Variants in NAV3 observed in about 807,000 individuals in gnomAD.
NAV3 encodes the protein pore membrane and/or filament interacting like protein 1.
NAV3 carries 87 observed loss-of-function variants against 244.7 expected under a neutral mutation model. That is an observed-to-expected ratio of 0.36 (90% CI 0.30 to 0.42). NAV3 has a LOEUF of 0.42. NAV3 is among the 20% of genes least tolerant of loss of function. The probability of loss-of-function intolerance (pLI) is 1.00; values close to 1 mark genes in which losing one functional copy is unlikely to be tolerated. For missense variants in NAV3, 2,663 were observed against 2,893.3 expected, an observed-to-expected ratio of 0.92 and a Z score of 1.83; for synonymous variants, 1,126 against 1,042.2, an observed-to-expected ratio of 1.08 and a Z score of -1.55.
At chr12:77,967,030 T>TA (rs1892583526) in intron 4 of NAV3, among the ~76,000 whole-genome samples, 1 of 152,110 alleles carries the variant, frequency 6.6e-6, no homozygotes, top group African/African-American at 2.4e-5. Context: ...TTATGATATA[T>TA]AATTAAATTA....
chr12:77,845,058 T>G (rs980454906), intron 1 of NAV3, among the ~76,000 whole-genome samples: 2 of 152,200 alleles, frequency 1.3e-5, no homozygotes, highest in Admixed American at 6.5e-5. Context: ...AGGCTATTCT[T>G]TTTTTAGAAT....
intron 11 of NAV3, among the ~76,000 whole-genome samples, chr12:78,051,477 G>C (rs907347185): frequency 3.9e-5 from 6 of 152,180 alleles, no homozygotes; most frequent in Admixed American, 1.3e-4. Context: ...GAGGAGTTTT[G>C]CTGATTTGCT....
At chr12:77,941,878 G>A (rs1272982873) in intron 3 of NAV3, among the ~76,000 whole-genome samples, 1 of 152,106 alleles carries the variant, frequency 6.6e-6, no homozygotes, top group Non-Finnish European at 1.5e-5. Context: ...TCCACAAGAT[G>A]AAGCTTTCTC....
intron 2 of NAV3, among the ~76,000 whole-genome samples, chr12:77,575,419 A>G (rs1200055116): frequency 6.6e-6 from 1 of 152,036 alleles, no homozygotes; most frequent in Non-Finnish European, 1.5e-5. Flanking sequence ...TTCAGCTGGT[A>G]TTGGGCCATA....
At chr12:77,759,031 T>G (rs1037259666) in intron 2 of NAV3, among the ~76,000 whole-genome samples, 1 of 152,218 alleles carries the variant, frequency 6.6e-6, no homozygotes, top group South Asian at 2.1e-4. Context: ...CCATTCTGAG[T>G]GCTCAGTTGC....
intron 5 of NAV3, among the ~76,000 whole-genome samples, chr12:77,977,714 A>G (rs12228717): frequency 0.22 from 19,128 of 88,736 alleles, 1,602 homozygotes; most frequent in African/African-American, 0.32. Flanking sequence ...ACACACGCGC[A>G]CACACACACA....
chr12:78,105,513 C>T (rs951944692), intron 12 of NAV3, among the ~76,000 whole-genome samples: 5 of 152,024 alleles, frequency 3.3e-5, no homozygotes, highest in Admixed American at 2.6e-4. Flanking sequence ...AGCTCAGTTT[C>T]GTTATATGCT....
At chr12:78,129,454 A>G (rs994102371) in intron 18 of NAV3, among the ~76,000 whole-genome samples, 2 of 152,206 alleles carry the variant, frequency 1.3e-5, no homozygotes, top group Admixed American at 6.5e-5. Context: ...AACATTTTCA[A>G]ATAGATACAA....
intron 39 of NAV3, 129 bp downstream of exon 39, chr12:78,205,267 C>A: frequency 1.1e-6 from 1 of 935,430 alleles, no homozygotes; most frequent in Non-Finnish European, 1.5e-6. Context: ...ACCCTATTAT[C>A]TTTGGCCTGC....
At chr12:78,128,470 T>C (rs1050693885) in intron 17 of NAV3, among the ~76,000 whole-genome samples, 6 of 152,164 alleles carry the variant, frequency 3.9e-5, no homozygotes, top group African/African-American at 1.4e-4. Flanking sequence ...GATTTCCAAC[T>C]GCATATCTGA....
intron 2 of NAV3, among the ~76,000 whole-genome samples, chr12:77,666,189 T>G (rs993049851): frequency 6.6e-6 from 1 of 150,510 alleles, no homozygotes; most frequent in African/African-American, 2.4e-5. Context: ...GTTTTTTTTT[T>G]TTTTTTTTTG....
chr12:78,065,767 A>G (rs1288820836), intron 12 of NAV3, among the ~76,000 whole-genome samples: 1 of 152,108 alleles, frequency 6.6e-6, no homozygotes, highest in Non-Finnish European at 1.5e-5. Flanking sequence ...CAGGGAAGGT[A>G]AGGAGAAAGA....
At chr12:77,585,359 C>T (rs1393696770) in intron 2 of NAV3, among the ~76,000 whole-genome samples, 1 of 152,158 alleles carries the variant, frequency 6.6e-6, no homozygotes, top group Non-Finnish European at 1.5e-5. Context: ...CTCTCAAACA[C>T]AGCGTGTTTG....
At chr12:77,880,979 G>T (rs1444284211) in intron 1 of NAV3, among the ~76,000 whole-genome samples, 5 of 152,004 alleles carry the variant, frequency 3.3e-5, no homozygotes, top group Admixed American at 2.0e-4. Context: ...TTGAATTGAG[G>T]TCTTGCTATT....
intron 9 of NAV3, among the ~76,000 whole-genome samples, chr12:78,035,289 C>G (rs370048629): frequency 4.6e-5 from 7 of 152,072 alleles, no homozygotes; most frequent in East Asian, 1.9e-4. Context: ...TCCATTTTCC[C>G]TCATTTGATA....
upstream of NAV3, among the ~76,000 whole-genome samples, chr12:77,829,244 AT>A (rs1873341266): frequency 6.6e-6 from 1 of 152,162 alleles, no homozygotes; most frequent in South Asian, 2.1e-4. Context: ...TTCCAACCGG[AT>A]TTCTTCCACC....
chr12:78,016,531 T>C (rs1876246744), intron 8 of NAV3, among the ~76,000 whole-genome samples: 1 of 152,178 alleles, frequency 6.6e-6, no homozygotes, highest in African/African-American at 2.4e-5. Flanking sequence ...AACCCAACAG[T>C]TTCCTGGCCT....
At chr12:77,583,298 C>G (rs2136684529) in intron 2 of NAV3, among the ~76,000 whole-genome samples, 1 of 152,296 alleles carries the variant, frequency 6.6e-6, no homozygotes, top group African/African-American at 2.4e-5. Flanking sequence ...TACGATGTAG[C>G]AGTTTTACCT....
chr12:77,980,385 C>A (rs1869350945), intron 5 of NAV3, among the ~76,000 whole-genome samples: 1 of 152,142 alleles, frequency 6.6e-6, no homozygotes, highest in South Asian at 2.1e-4. Flanking sequence ...GATTTTCTCA[C>A]AAATCTTCAC....
Sources: allele counts gnomAD v4.1 joint callset (sites outside exome capture counted in the v4.1 genomes callset), GRCh38; gene constraint gnomAD v4.1.1; transcripts MANE v1.5; gene names NCBI Gene and HGNC (gene_info 2026-07-23, HGNC 2026-07-21).